Variants in CABLES1 observed in about 807,000 individuals in gnomAD.
The protein encoded by CABLES1 is CDK5 and ABL1 enzyme substrate 1.
A neutral mutation model predicts 57.8 loss-of-function variants in CABLES1; 36 were observed. The ratio of observed to expected loss-of-function variants is 0.62; its 90% confidence interval spans 0.48 to 0.82. The LOEUF is 0.82. CABLES1 is among the 40% of genes least tolerant of loss of function. The probability of loss-of-function intolerance (pLI) is 0.00; values close to 1 mark genes in which losing one functional copy is unlikely to be tolerated. For synonymous variants in CABLES1, 374 were observed against 363.0 expected, an observed-to-expected ratio of 1.03 and a Z score of -0.35; for missense variants, 767 against 836.6, an observed-to-expected ratio of 0.92 and a Z score of 1.03.
intron 1 of CABLES1, among the ~76,000 whole-genome samples, chr18:23,141,945 G>A (rs1028936629): frequency 6.6e-6 from 1 of 152,188 alleles, no homozygotes; most frequent in African/African-American, 2.4e-5. Context: ...CAGTGCAGTT[G>A]AGCCTGTGCT....
chr18:23,169,961 G>T (rs1405724771), intron 1 of CABLES1, among the ~76,000 whole-genome samples: 1 of 152,166 alleles, frequency 6.6e-6, no homozygotes, highest in Admixed American at 6.5e-5. Flanking sequence ...GCCTGGACTT[G>T]GTGGGAGCTG....
In CABLES1 at chr18:23,260,396, G is replaced by C. The variant is rs2048265326; in HGVS notation, c.*3029G>C. On this transcript the variant is annotated 3_prime_UTR_variant, in exon 10 of 10. Transcript: ENST00000256925. ...CCTACCTTAGTGACGGGAGTAAGGAGCTTCCTTCCCCTCCATGTCATTCCT... is the reference window on the plus strand; with the variant it reads ...CCTACCTTAGTGACGGGAGTAAGGACCTTCCTTCCCCTCCATGTCATTCCT... 6.6e-6 allele frequency: 1 copy of C among 152,252 alleles called. No individual in the cohort carries two copies. The highest frequency in any genetic ancestry group is 1.5e-5 in the Non-Finnish European group (1 of 68,074). The allele number at this position is 152,252 out of a possible 1,614,324, so 9.4% of individuals were successfully genotyped here.
chr18:23,253,744 G>A lies in CABLES1; in HGVS notation c.1569G>A (p.Met523Ile). ...CTTTCTCCAGTCTGAAACGAGAGATGCGGAAGCTTGCGCAGGAGGACTGTG... is the reference window on the plus strand; with the variant it reads ...CTTTCTCCAGTCTGAAACGAGAGATACGGAAGCTTGCGCAGGAGGACTGTG... The part of the protein sequence containing the change: ...LSKIRSLKRE[M>I]RKLAQEDCGL... Residue 523 changes from methionine to isoleucine, a missense_variant, in exon 9 of 10, where the codon ATG becomes ATA. This residue lies in a region of CABLES1 where 529 missense variants were observed against 622.8 expected (regional missense o/e 0.85). Transcript: ENST00000256925. 6.2e-7 allele frequency: 1 copy of A among 1,614,164 alleles called. No homozygotes were observed. Among genetic ancestry groups the A allele is most frequent in the Non-Finnish European group, 8.5e-7 (1 of 1,180,000 alleles).
chr18:23,193,815 A>G (rs1055371678), intron 2 of CABLES1, among the ~76,000 whole-genome samples: 3 of 152,230 alleles, frequency 2.0e-5, no homozygotes, highest in Non-Finnish European at 4.4e-5. Context: ...AAAATTTTAA[A>G]AAAACTTGAA....
Position 23,237,249 on chromosome 18 carries a change from A to T in CABLES1, c.1446+4A>T. 3 of 1,589,412 alleles carry T rather than the reference A, an allele frequency of 1.9e-6. No homozygotes were observed. The highest frequency in any genetic ancestry group is 2.6e-6 in the Non-Finnish European group (3 of 1,157,460). ...TCTGATCTTCCCTTCCTACATGGTG[A>T]GTAGCGTGGAATGGAGGCTCCGTTT... On this transcript the variant is annotated splice_donor_region_variant and intron_variant, in intron 7 of 9. Transcript: ENST00000256925.
intron 1 of CABLES1, among the ~76,000 whole-genome samples, chr18:23,142,156 A>G (rs1009199780): frequency 2.0e-5 from 3 of 152,092 alleles, no homozygotes; most frequent in African/African-American, 7.2e-5. Context: ...GGATAATCCA[A>G]CCTCAGAATC....
chr18:23,179,949 C>T lies in CABLES1; in HGVS notation c.846-8889C>T, dbSNP rs554640579. Among the ~76,000 whole-genome samples, 5 of 152,260 alleles carry T rather than the reference C, an allele frequency of 3.3e-5. No homozygotes were observed. The South Asian group carries it at 1.0e-3, about 32-fold the overall frequency. On this transcript the variant is annotated intron_variant, in intron 1 of 9. Coordinates refer to ENST00000256925, the MANE Select transcript of CABLES1 (RefSeq NM_001100619.3). ...TTTTTTGTTTTTTGAGACGGAGTCT[C>T]GCTCTGTTGCCCAGGCTGGAGTGCA... is the stretch of plus-strand genomic sequence containing the variant.
At chr18:23,145,079 G>A (rs973590772) in intron 1 of CABLES1, among the ~76,000 whole-genome samples, 3 of 152,050 alleles carry the variant, frequency 2.0e-5, no homozygotes, top group Admixed American at 6.6e-5. Flanking sequence ...GGGATTACAG[G>A]TGCCTGCCAC....
chr18:23,142,288 A>G (rs1165836342), intron 1 of CABLES1, among the ~76,000 whole-genome samples: 1 of 152,154 alleles, frequency 6.6e-6, no homozygotes, highest in African/African-American at 2.4e-5. Context: ...TTTAAAAACT[A>G]CCTTCAGCTG....
chr18:23,140,161 G>A (rs1339750425), intron 1 of CABLES1, among the ~76,000 whole-genome samples: 2 of 152,212 alleles, frequency 1.3e-5, no homozygotes, highest in Non-Finnish European at 2.9e-5. Flanking sequence ...CATGCCTATC[G>A]TGTTTCTCTG....
At chr18:23,236,595 T>G (rs1159228263) in intron 6 of CABLES1, among the ~76,000 whole-genome samples, 1 of 152,168 alleles carries the variant, frequency 6.6e-6, no homozygotes, top group Non-Finnish European at 1.5e-5. Context: ...TCAGGGAAAT[T>G]CCAGGTGGAT....
Position 23,135,986 on chromosome 18 carries a change from A to G in CABLES1, c.224A>G (p.Asp75Gly). ...ALSFLTNISLDGRLPPQDAEW... is the reference protein window; with the variant it reads ...ALSFLTNISLGGRLPPQDAEW... ...TCCTTCCTCACCAACATCTCGCTGGACGGCCGGCTGCCGCCGCAGGACGCG... is the reference window on the plus strand; with the variant it reads ...TCCTTCCTCACCAACATCTCGCTGGGCGGCCGGCTGCCGCCGCAGGACGCG... The change falls in exon 1 of 10, where the codon GAC becomes GGC. Residue 75 changes from aspartate (D) to glycine (G), a missense_variant. Asp to Gly is a moderately conservative substitution (Grantham distance 94). Coordinates refer to ENST00000256925, the MANE Select transcript of CABLES1 (RefSeq NM_001100619.3). 1 of 1,138,312 alleles carries G rather than the reference A, an allele frequency of 8.8e-7. No homozygotes were observed. Among genetic ancestry groups the G allele is most frequent in the Non-Finnish European group, 1.1e-6 (1 of 928,226 alleles). 70.5% of individuals were successfully genotyped at this position (1,138,312 alleles called of 1,614,324 possible).
At chr18:23,165,230 A>G (rs556022096) in intron 1 of CABLES1, among the ~76,000 whole-genome samples, 5 of 152,206 alleles carry the variant, frequency 3.3e-5, no homozygotes, top group Non-Finnish European at 4.4e-5. Flanking sequence ...CTGCAAGTGC[A>G]TGCCACCACA....
chr18:23,154,931 C>T (rs1345919000), intron 1 of CABLES1, among the ~76,000 whole-genome samples: 1 of 152,370 alleles, frequency 6.6e-6, no homozygotes, highest in South Asian at 2.1e-4. Context: ...TTTACCCATC[C>T]AGCCCCTGTT....
intron 7 of CABLES1, among the ~76,000 whole-genome samples, chr18:23,244,796 C>G (rs898663464): frequency 6.6e-6 from 1 of 152,204 alleles, no homozygotes; most frequent in African/African-American, 2.4e-5. Context: ...CCAGGTCTTA[C>G]AGCTAGCTCC....
intron 1 of CABLES1, among the ~76,000 whole-genome samples, 163 bp from the exon 2 acceptor site, chr18:23,188,675 G>C (rs374325121): frequency 3.9e-5 from 6 of 152,164 alleles, no homozygotes; most frequent in African/African-American, 1.4e-4. Context: ...GATGGGCCTG[G>C]CGTGCAGGGT....
intron 2 of CABLES1, among the ~76,000 whole-genome samples, chr18:23,190,807 G>A (rs949330856): frequency 6.6e-6 from 1 of 152,102 alleles, no homozygotes; most frequent in Non-Finnish European, 1.5e-5. Context: ...CGGGTGCAGT[G>A]GCTCACACCT....
chr18:23,186,443 A>G (rs1370006828), intron 1 of CABLES1, among the ~76,000 whole-genome samples: 2 of 148,570 alleles, frequency 1.3e-5, no homozygotes, highest in Non-Finnish European at 3.0e-5. Flanking sequence ...TTTTTTCCCC[A>G]AGACGGAGTT....
intron 1 of CABLES1, among the ~76,000 whole-genome samples, chr18:23,168,233 T>C (rs1022800090): frequency 1.3e-5 from 2 of 152,202 alleles, no homozygotes; most frequent in African/African-American, 2.4e-5. Flanking sequence ...GAGGAATGAA[T>C]GGATACACGA....
Sources: allele counts gnomAD v4.1 joint callset (sites outside exome capture counted in the v4.1 genomes callset), GRCh38; gene constraint gnomAD v4.1.1; regional missense constraint gnomAD v4.1.1; transcripts MANE v1.5; gene names NCBI Gene and HGNC (gene_info 2026-07-23, HGNC 2026-07-21).